The following BAALC variants were observed in gnomAD, a reference collection of about 807,000 sequenced individuals.
BAALC encodes the protein BAALC binder of MAP3K1 and KLF4.
In BAALC, 9 loss-of-function variants were observed where a neutral mutation model predicts 15.5. The observed-to-expected ratio is 0.58, with a 90% CI of 0.35 to 1.02. The LOEUF (loss-of-function observed/expected upper bound fraction) is 1.02. Ranked by LOEUF, BAALC falls within the 50% of genes least tolerant of loss-of-function variation. The pLI is 0.02. For missense variants in BAALC, 201 were observed against 192.4 expected, an observed-to-expected ratio of 1.04 and a Z score of -0.27; for synonymous variants, 80 against 74.6, an observed-to-expected ratio of 1.07 and a Z score of -0.37.
chr8:103,162,117 C>T (rs962570599), intron 1 of BAALC, among the ~76,000 whole-genome samples: 1 of 152,090 alleles, frequency 6.6e-6, no homozygotes, highest in African/African-American at 2.4e-5. Context: ...AGCCACCATG[C>T]CCAGCTAATT....
intron 1 of BAALC, among the ~76,000 whole-genome samples, chr8:103,190,039 G>A (rs1811931197): frequency 6.6e-6 from 1 of 152,142 alleles, no homozygotes; most frequent in Non-Finnish European, 1.5e-5. Context: ...GATACGCAGG[G>A]ATTCGTGTCA....
intron 1 of BAALC, chr8:103,183,465 TGTACAGGTAA>T (rs1321562213): frequency 2.0e-5 from 14 of 702,826 alleles, no homozygotes; most frequent in Non-Finnish European, 3.1e-5. Flanking sequence ...CCACACACCA[TGTACAGGTAA>T]GAGAGGGTAT....
chr8:103,156,313 T>C (rs932670759), intron 1 of BAALC, among the ~76,000 whole-genome samples: 1 of 152,170 alleles, frequency 6.6e-6, no homozygotes, highest in Non-Finnish European at 1.5e-5. Context: ...GTGAAGGCAG[T>C]TTTTAAAGTA....
chr8:103,192,322 G>A (rs1303675252), intron 1 of BAALC, among the ~76,000 whole-genome samples: 2 of 152,208 alleles, frequency 1.3e-5, no homozygotes, highest in African/African-American at 4.8e-5. Flanking sequence ...AAAGTGCTGG[G>A]ATTACAGGCG....
In BAALC at chr8:103,212,955, C is replaced by T; in HGVS notation, c.197C>T (p.Pro66Leu). The T allele has an allele frequency of 6.2e-7, 1 of 1,614,056 alleles. No individual in the cohort carries two copies. The highest frequency in any genetic ancestry group is 2.2e-5 in the East Asian group (1 of 44,876). The change falls in exon 2 of 3, where the codon CCC becomes CTC. Residue 66 changes from proline to leucine, a missense_variant. Physicochemically the swap from Pro to Leu is moderately conservative, Grantham distance 98. Coordinates refer to ENST00000309982, the MANE Select transcript of BAALC (RefSeq NM_024812.3). ...LEDGLPSNGV[P>L]RSTAPGGIPN... ...GATGGACTGCCCTCCAATGGTGTGC[C>T]CCGATCTACAGCCCCAGGTGGAATA...
chr8:103,182,844 G>A (rs1308213204), intron 1 of BAALC, among the ~76,000 whole-genome samples: 2 of 152,166 alleles, frequency 1.3e-5, no homozygotes, highest in East Asian at 1.9e-4. Context: ...AAACTCAGAG[G>A]CAGGGAGGCT....
At chr8:103,223,374 G>A (rs1010309630) in intron 2 of BAALC, among the ~76,000 whole-genome samples, 1 of 152,198 alleles carries the variant, frequency 6.6e-6, no homozygotes, top group Non-Finnish European at 1.5e-5. Flanking sequence ...GGAGAAGTTG[G>A]TAACCCTCTC....
intron 2 of BAALC, among the ~76,000 whole-genome samples, chr8:103,227,450 C>T (rs1462862972): frequency 6.6e-6 from 1 of 152,162 alleles, no homozygotes; most frequent in Non-Finnish European, 1.5e-5. Context: ...AAGATCTTTA[C>T]CCTAAAACAG....
chr8:103,171,462 AAAAG>A (rs1811492797), intron 1 of BAALC, among the ~76,000 whole-genome samples: 2 of 151,996 alleles, frequency 1.3e-5, no homozygotes, highest in South Asian at 4.2e-4. Flanking sequence ...AGAAAGAAAG[AAAAG>A]AAAAGAAAGA....
chr8:103,216,046 G>A (rs1331111291), intron 2 of BAALC, among the ~76,000 whole-genome samples: 1 of 152,116 alleles, frequency 6.6e-6, no homozygotes, highest in Non-Finnish European at 1.5e-5. Context: ...TTCATGTCTG[G>A]CTTCTTTTGC....
chr8:103,195,252 C>G (rs1812065767), intron 1 of BAALC, among the ~76,000 whole-genome samples: 1 of 152,090 alleles, frequency 6.6e-6, no homozygotes, highest in Admixed American at 6.5e-5. Context: ...GAACCCTCAC[C>G]AGCCCCTGTG....
At chr8:103,192,185 G>C (rs1026142552) in intron 1 of BAALC, among the ~76,000 whole-genome samples, 1 of 152,244 alleles carries the variant, frequency 6.6e-6, no homozygotes, top group Middle Eastern at 3.4e-3. Flanking sequence ...CCGAGTAGCT[G>C]GGATTACAGG....
intron 2 of BAALC, among the ~76,000 whole-genome samples, chr8:103,216,366 A>T (rs1055993689): frequency 3.9e-5 from 6 of 152,234 alleles, no homozygotes; most frequent in African/African-American, 1.4e-4. Context: ...ATGCTGCTTT[A>T]TACTCTAACT....
At chr8:103,157,346 T>C (rs1811118839) in intron 1 of BAALC, among the ~76,000 whole-genome samples, 1 of 152,286 alleles carries the variant, frequency 6.6e-6, no homozygotes, top group Middle Eastern at 3.4e-3. Context: ...TAATATTATA[T>C]AATAAACCCC....
intron 1 of BAALC, among the ~76,000 whole-genome samples, chr8:103,157,635 T>A (rs2129891638): frequency 6.6e-6 from 1 of 152,244 alleles, no homozygotes; most frequent in African/African-American, 2.4e-5. Flanking sequence ...TAGTGAGGCC[T>A]CATCTCTATA....
At position 103,229,997 on chromosome 8, in the gene BAALC, C is replaced by G. The variant is rs928300359; in HGVS notation, c.*1898C>G. The stretch of plus-strand genomic sequence containing the variant: ...TGTGCTTTGTGGCTTCTCTTTACAG[C>G]TTTGTTTCTGCATCAGTTCACTGCT... On this transcript the variant is annotated 3_prime_UTR_variant, in exon 3 of 3. Coordinates refer to ENST00000309982, the MANE Select transcript of BAALC (RefSeq NM_024812.3). 4.6e-5 allele frequency: 7 copies of G among 152,252 alleles called. No homozygotes were observed. In the South Asian group the frequency reaches 1.5e-3, roughly 32 times the overall value. The allele number at this position is 152,252 out of a possible 1,614,324, so 9.4% of individuals were successfully genotyped here.
At chr8:103,209,926 G>A (rs765593034) in intron 1 of BAALC, among the ~76,000 whole-genome samples, 1 of 152,184 alleles carries the variant, frequency 6.6e-6, no homozygotes, top group Non-Finnish European at 1.5e-5. Flanking sequence ...ACTATTCTAG[G>A]CTCTTCTGTG....
At chr8:103,186,466 G>C (rs1219260781) in intron 1 of BAALC, among the ~76,000 whole-genome samples, 1 of 152,140 alleles carries the variant, frequency 6.6e-6, no homozygotes, top group African/African-American at 2.4e-5. Context: ...AGACATAAAA[G>C]CGCCAATAAA....
intron 1 of BAALC, among the ~76,000 whole-genome samples, chr8:103,201,359 AG>A (rs1812212365): frequency 6.6e-6 from 1 of 151,956 alleles, no homozygotes; most frequent in Non-Finnish European, 1.5e-5. Flanking sequence ...TGGTCACCCT[AG>A]GGGAGCATTC....
Sources: gnomAD v4.1 joint callset for allele counts (sites outside exome capture counted in the v4.1 genomes callset) on GRCh38, gnomAD v4.1.1 for gene constraint, MANE v1.5 for transcripts, NCBI Gene and HGNC (gene_info 2026-07-23, HGNC 2026-07-21) for gene names.